CALN1: variants seen among roughly 807,000 people sequenced by gnomAD.
The protein encoded by CALN1 is calneuron 1.
A neutral mutation model predicts 30.6 loss-of-function variants in CALN1; 17 were observed. That is an observed-to-expected ratio of 0.56 (90% confidence interval 0.38 to 0.83). CALN1 has a LOEUF of 0.83. Among genes scored for constraint, CALN1 ranks in the 40% least tolerant of loss-of-function variants. The pLI is 0.00. For missense variants in CALN1, 291 were observed against 354.9 expected (o/e 0.82, Z 1.45); for synonymous variants, 156 against 131.4 (o/e 1.19, Z -1.28).
intron 3 of CALN1, among the ~76,000 whole-genome samples, chr7:72,218,268 G>A (rs918537842): frequency 6.6e-6 from 1 of 151,598 alleles, no homozygotes; most frequent in Non-Finnish European, 1.5e-5. Flanking sequence ...CTAACATGGT[G>A]AAACCCCATC....
chr7:72,000,715 A>G (rs2129528536), intron 5 of CALN1, among the ~76,000 whole-genome samples: 1 of 151,582 alleles, frequency 6.6e-6, no homozygotes, highest in East Asian at 1.9e-4. Flanking sequence ...TAACAAAACC[A>G]GACAGCACAA....
At chr7:72,334,895 CAACA>C (rs1205580699) in intron 2 of CALN1, among the ~76,000 whole-genome samples, 6 of 152,170 alleles carry the variant, frequency 3.9e-5, no homozygotes, top group African/African-American at 1.2e-4. Context: ...GCAGTGAACT[CAACA>C]AACAGAGCCA....
chr7:71,994,999 C>T (rs1191793634), intron 5 of CALN1, among the ~76,000 whole-genome samples: 7 of 152,078 alleles, frequency 4.6e-5, no homozygotes, highest in Non-Finnish European at 1.0e-4. Context: ...ACTACAGGCG[C>T]CCGCCACCAC....
chr7:71,936,124 T>C (rs1313660949), intron 5 of CALN1, among the ~76,000 whole-genome samples: 6 of 152,138 alleles, frequency 3.9e-5, no homozygotes, highest in African/African-American at 1.4e-4. Flanking sequence ...GAAAAAAGTT[T>C]CCAGAAACCA....
chr7:72,422,840 T>G (rs1807658209), intron 1 of CALN1, among the ~76,000 whole-genome samples: 1 of 152,214 alleles, frequency 6.6e-6, no homozygotes, highest in Non-Finnish European at 1.5e-5. Flanking sequence ...TTAAAAGATT[T>G]CATTTTGGCT....
intron 5 of CALN1, among the ~76,000 whole-genome samples, chr7:71,927,398 T>C (rs1049766966): frequency 3.3e-5 from 5 of 152,048 alleles, no homozygotes; most frequent in Non-Finnish European, 5.9e-5. Flanking sequence ...TCAATACAGA[T>C]GGGGTTTCAC....
chr7:71,985,130 C>T (rs1388787081), intron 5 of CALN1, among the ~76,000 whole-genome samples: 3 of 150,536 alleles, frequency 2.0e-5, no homozygotes, highest in Non-Finnish European at 4.4e-5. Context: ...CTGGCAAAGA[C>T]GATGAACAGG....
intron 4 of CALN1, among the ~76,000 whole-genome samples, chr7:72,067,173 G>A (rs1319824261): frequency 6.6e-6 from 1 of 152,168 alleles, no homozygotes; most frequent in Non-Finnish European, 1.5e-5. Context: ...TTGGTCAAGT[G>A]ACGCAGAGAT....
At chr7:71,876,286 G>C (rs1368380667) in intron 5 of CALN1, among the ~76,000 whole-genome samples, 1 of 152,160 alleles carries the variant, frequency 6.6e-6, no homozygotes, top group East Asian at 1.9e-4. Flanking sequence ...GAGTGAGTGA[G>C]TTCTTGCTCT....
chr7:72,352,970 C>CA (rs1047687323), intron 2 of CALN1, among the ~76,000 whole-genome samples: 4 of 151,948 alleles, frequency 2.6e-5, no homozygotes, highest in Admixed American at 1.3e-4. Context: ...AATGTTATGA[C>CA]AAAAAATGGA....
intron 5 of CALN1, among the ~76,000 whole-genome samples, chr7:72,000,728 C>T (rs1319225925): frequency 7.1e-6 from 1 of 140,074 alleles, no homozygotes; most frequent in Admixed American, 6.8e-5. Flanking sequence ...CAGCACAAAA[C>T]AAACAAACAA....
intron 1 of CALN1, among the ~76,000 whole-genome samples, chr7:72,404,646 G>T (rs970137609): frequency 6.6e-6 from 1 of 152,104 alleles, no homozygotes; most frequent in African/African-American, 2.4e-5. Flanking sequence ...TTGTATCCTG[G>T]GAAGAGTCCC....
At chr7:72,110,380 C>T (rs1422301915) in intron 3 of CALN1, among the ~76,000 whole-genome samples, 1 of 152,194 alleles carries the variant, frequency 6.6e-6, no homozygotes, top group African/African-American at 2.4e-5. Flanking sequence ...AACTTCCCTC[C>T]TCTAAAGGGA....
At chr7:72,230,262 C>G (rs2677278) in intron 3 of CALN1, among the ~76,000 whole-genome samples, 1,627 of 148,620 alleles carry the variant, frequency 0.011, 29 homozygotes, top group African/African-American at 0.038. Context: ...TATCCCAGAA[C>G]TTAAAGTAAA....
At chr7:72,308,942 T>C (rs927963109) in intron 2 of CALN1, among the ~76,000 whole-genome samples, 2 of 152,186 alleles carry the variant, frequency 1.3e-5, no homozygotes, top group Non-Finnish European at 2.9e-5. Flanking sequence ...ATAGTAAACA[T>C]TTTTAGAGGG....
chr7:72,331,875 G>A (rs546581910), intron 2 of CALN1, among the ~76,000 whole-genome samples: 4 of 129,808 alleles, frequency 3.1e-5, no homozygotes, highest in Admixed American at 3.1e-4. Flanking sequence ...CCTCTAACAG[G>A]CCCCAGTGTG....
chr7:72,240,681 G>C (rs868176626), intron 3 of CALN1, among the ~76,000 whole-genome samples: 9 of 152,216 alleles, frequency 5.9e-5, no homozygotes, highest in African/African-American at 1.7e-4. Flanking sequence ...TTGCTGTTAA[G>C]TTTATTCCTG....
intron 2 of CALN1, among the ~76,000 whole-genome samples, chr7:72,318,424 A>G (rs1426571041): frequency 6.6e-6 from 1 of 152,208 alleles, no homozygotes; most frequent in Non-Finnish European, 1.5e-5. Flanking sequence ...TTCCTTGCAG[A>G]AGAACCACCT....
At chr7:72,245,419 G>A (rs527461899) in intron 3 of CALN1, among the ~76,000 whole-genome samples, 224 of 151,950 alleles carry the variant, frequency 1.5e-3, no homozygotes, top group Non-Finnish European at 9.9e-4. Context: ...AGGAGTTCGA[G>A]ACCAGCCTGA....
Sources: gnomAD v4.1 joint callset for allele counts (sites outside exome capture counted in the v4.1 genomes callset) on GRCh38, gnomAD v4.1.1 for gene constraint, MANE v1.5 for transcripts, NCBI Gene and HGNC (gene_info 2026-07-23, HGNC 2026-07-21) for gene names.